TRHDE: variants seen among roughly 807,000 people sequenced by gnomAD.
The protein encoded by TRHDE is thyrotropin releasing hormone degrading enzyme.
A neutral mutation model predicts 125.7 loss-of-function variants in TRHDE; 72 were observed. That is an observed-to-expected ratio of 0.57 (90% CI 0.47 to 0.70). TRHDE has a LOEUF of 0.70. Among genes scored for constraint, TRHDE ranks in the 30% least tolerant of loss-of-function variants. The pLI is 0.00. For synonymous variants in TRHDE, 509 were observed against 509.1 expected (o/e 1.00, Z 0.00); for missense variants, 1,110 against 1,327.1 (o/e 0.84, Z 2.54).
chr12:72,656,914 T>C lies in TRHDE; in HGVS notation c.2985-13T>C. 1 of 1,580,662 alleles carries C rather than the reference T, an allele frequency of 6.3e-7. No individual in the cohort carries two copies. The highest frequency in any genetic ancestry group is 8.6e-7 in the Non-Finnish European group (1 of 1,156,086). On this transcript the variant is annotated splice_polypyrimidine_tract_variant and intron_variant, in intron 17 of 18. Coordinates refer to ENST00000261180, the MANE Select transcript of TRHDE (RefSeq NM_013381.3). The stretch of plus-strand genomic sequence containing the variant: ...GACCTGCATTGACATTAAGACTCTT[T>C]TTTTCTTTTGAGGTATGGAGAAGCA...
intron 6 of TRHDE, among the ~76,000 whole-genome samples, chr12:72,518,833 C>T (rs1879021352): frequency 6.6e-6 from 1 of 152,114 alleles, no homozygotes; most frequent in Non-Finnish European, 1.5e-5. Context: ...TCTTTTAGGG[C>T]AGGCCTGGTG....
chr12:72,159,907 G>T (rs552319042), intron 2 of TRHDE, among the ~76,000 whole-genome samples: 1 of 150,704 alleles, frequency 6.6e-6, no homozygotes, highest in South Asian at 2.1e-4. Context: ...TCATTTTGTT[G>T]TCATATTGTC....
chr12:72,290,097 AG>A (rs1434593276), intron 2 of TRHDE, among the ~76,000 whole-genome samples: 1 of 152,218 alleles, frequency 6.6e-6, no homozygotes, highest in Non-Finnish European at 1.5e-5. Flanking sequence ...ACTAGTTGGA[AG>A]AGGGAGAAAT....
intron 2 of TRHDE, among the ~76,000 whole-genome samples, chr12:72,183,479 C>T (rs1383467674): frequency 6.6e-6 from 1 of 152,146 alleles, no homozygotes; most frequent in East Asian, 1.9e-4. Flanking sequence ...ATACATTTGT[C>T]ATAGTTCTAA....
intron 1 of TRHDE, among the ~76,000 whole-genome samples, chr12:72,101,360 A>G (rs1875063416): frequency 6.6e-6 from 1 of 152,212 alleles, no homozygotes; most frequent in African/African-American, 2.4e-5. Flanking sequence ...AAAGGAATGA[A>G]GCAGTAGACA....
At chr12:72,130,241 T>G (rs1360604647) in intron 2 of TRHDE, among the ~76,000 whole-genome samples, 1 of 152,236 alleles carries the variant, frequency 6.6e-6, no homozygotes, top group East Asian at 1.9e-4. Context: ...AGGCGGAGGT[T>G]GCAGTGAGCC....
chr12:72,520,312 C>T (rs980962249), intron 6 of TRHDE, among the ~76,000 whole-genome samples: 4 of 152,200 alleles, frequency 2.6e-5, no homozygotes, highest in African/African-American at 9.6e-5. Flanking sequence ...GCGTAAGACC[C>T]TCCGAGCCAG....
At chr12:72,296,704 A>G (rs1180776993) in intron 2 of TRHDE, among the ~76,000 whole-genome samples, 4 of 152,110 alleles carry the variant, frequency 2.6e-5, no homozygotes, top group Non-Finnish European at 5.9e-5. Context: ...AGAAGGCTAC[A>G]TGGCCAGGTC....
At chr12:72,298,164 C>A (rs1023280690) in intron 2 of TRHDE, among the ~76,000 whole-genome samples, 4 of 152,172 alleles carry the variant, frequency 2.6e-5, no homozygotes, top group African/African-American at 9.7e-5. Flanking sequence ...AAGTGAAAAA[C>A]AAACAAATCT....
intron 17 of TRHDE, among the ~76,000 whole-genome samples, chr12:72,656,698 C>T (rs1027754933): frequency 2.6e-5 from 4 of 152,094 alleles, no homozygotes; most frequent in African/African-American, 9.7e-5. Flanking sequence ...ACTCAGACTT[C>T]TCTGAAACAC....
intron 15 of TRHDE, among the ~76,000 whole-genome samples, chr12:72,636,577 G>T (rs1203136671): frequency 6.6e-6 from 1 of 151,718 alleles, no homozygotes; most frequent in Non-Finnish European, 1.5e-5. Flanking sequence ...TCCCTGTCTT[G>T]TGCCAGTTTT....
At chr12:72,221,154 A>G (rs1877991056) in intron 2 of TRHDE, among the ~76,000 whole-genome samples, 1 of 152,102 alleles carries the variant, frequency 6.6e-6, no homozygotes, top group African/African-American at 2.4e-5. Flanking sequence ...TTAGTCAGGT[A>G]GTTATAAACA....
chr12:72,294,649 G>A (rs1880218431), intron 2 of TRHDE, among the ~76,000 whole-genome samples: 1 of 152,150 alleles, frequency 6.6e-6, no homozygotes, highest in Non-Finnish European at 1.5e-5. Context: ...GGCACCACAA[G>A]TCCCTACTCT....
At chr12:72,200,326 G>T (rs941948213) in intron 2 of TRHDE, among the ~76,000 whole-genome samples, 1 of 152,152 alleles carries the variant, frequency 6.6e-6, no homozygotes, top group African/African-American at 2.4e-5. Context: ...GAGGAGGAAA[G>T]TCTGTAAATA....
intron 2 of TRHDE, among the ~76,000 whole-genome samples, chr12:72,134,742 A>G (rs961420846): frequency 1.3e-5 from 2 of 152,126 alleles, no homozygotes; most frequent in African/African-American, 4.8e-5. Flanking sequence ...GACATTCTGC[A>G]ATTCTAAATG....
At chr12:72,202,794 T>C (rs1434358438) in intron 2 of TRHDE, among the ~76,000 whole-genome samples, 1 of 152,186 alleles carries the variant, frequency 6.6e-6, no homozygotes, top group Non-Finnish European at 1.5e-5. Context: ...GTCCATTAGG[T>C]TAGACATTTG....
intron 2 of TRHDE, among the ~76,000 whole-genome samples, chr12:72,147,304 A>G (rs1317270152): frequency 6.6e-6 from 1 of 151,980 alleles, no homozygotes; most frequent in African/African-American, 2.4e-5. Context: ...AATTTTGAAA[A>G]CAGGTCTAAG....
At chr12:72,442,206 T>C (rs1359992653) in intron 3 of TRHDE, among the ~76,000 whole-genome samples, 2 of 151,872 alleles carry the variant, frequency 1.3e-5, no homozygotes, top group African/African-American at 4.8e-5. Flanking sequence ...TTAAGGCTTT[T>C]CACTCAGTTT....
At chr12:72,409,362 A>G (rs1211079359) in intron 3 of TRHDE, among the ~76,000 whole-genome samples, 1 of 152,218 alleles carries the variant, frequency 6.6e-6, no homozygotes, top group Admixed American at 6.5e-5. Flanking sequence ...GTACTATCTA[A>G]TAGAAATAGA....
Sources: allele counts gnomAD v4.1 joint callset (sites outside exome capture counted in the v4.1 genomes callset), GRCh38; gene constraint gnomAD v4.1.1; transcripts MANE v1.5; gene names NCBI Gene and HGNC (gene_info 2026-07-23, HGNC 2026-07-21).